The following F13A1 variants were observed in gnomAD, a reference collection of about 807,000 sequenced individuals.
F13A1 encodes the protein coagulation factor XIII A chain.
Under a neutral mutation model 80.1 loss-of-function variants are expected in F13A1, and 47 were observed. That is an observed-to-expected ratio of 0.59 (90% CI 0.46 to 0.75). F13A1 has a LOEUF of 0.75. Ranked by LOEUF, F13A1 falls within the 30% of genes least tolerant of loss-of-function variation. F13A1 has a pLI of 0.00. For missense variants in F13A1, 817 were observed against 930.4 expected, an observed-to-expected ratio of 0.88 and a Z score of 1.59; for synonymous variants, 349 against 344.9, an observed-to-expected ratio of 1.01 and a Z score of -0.13.
At chr6:6,257,082 A>T (rs1583097766) in intron 4 of F13A1, among the ~76,000 whole-genome samples, 1 of 152,192 alleles carries the variant, frequency 6.6e-6, no homozygotes, top group East Asian at 1.9e-4. Flanking sequence ...AATCACTTAC[A>T]CTTGCTTCCC....
intron 11 of F13A1, among the ~76,000 whole-genome samples, chr6:6,176,943 CCT>C (rs1467305428): frequency 6.6e-6 from 1 of 152,156 alleles, no homozygotes; most frequent in Non-Finnish European, 1.5e-5. Context: ...GAAGCACTGT[CCT>C]CTGTGAGCGG....
intron 7 of F13A1, among the ~76,000 whole-genome samples, chr6:6,223,955 T>C (rs1190741688): frequency 6.6e-6 from 1 of 152,186 alleles, no homozygotes; most frequent in Non-Finnish European, 1.5e-5. Context: ...CTGAAATAAA[T>C]GTATTTTTAA....
At position 6,145,427 on chromosome 6, in the gene F13A1, C is replaced by A. The variant is rs113481403; in HGVS notation, c.*192G>T. ...GGAAGGTGGAGAGATTAAAAACTAA[C>A]TTCCTTGCCGAATAGCCTGGGTTTG... On this transcript the variant is annotated 3_prime_UTR_variant, in exon 15 of 15. Coordinates refer to ENST00000264870, the MANE Select transcript of F13A1 (RefSeq NM_000129.4). 8 of 687,646 alleles carry A rather than the reference C, an allele frequency of 1.2e-5. No homozygotes were observed. In the South Asian group the frequency reaches 1.4e-4, roughly 12 times the overall value. The allele number at this position is 687,646 out of a possible 1,614,324, so 42.6% of individuals were successfully genotyped here.
chr6:6,163,947 C>T (rs895358633), intron 13 of F13A1, among the ~76,000 whole-genome samples: 2 of 152,074 alleles, frequency 1.3e-5, no homozygotes, highest in African/African-American at 4.8e-5. Context: ...TATAAGTGTT[C>T]CTTTTTCTCC....
chr6:6,313,965 G>A (rs1758643220), intron 2 of F13A1, among the ~76,000 whole-genome samples: 1 of 137,666 alleles, frequency 7.3e-6, no homozygotes, highest in African/African-American at 2.8e-5. Context: ...CATATCTCCT[G>A]TTCTCCATTT....
chr6:6,189,673 A>T (rs970093971), intron 10 of F13A1, among the ~76,000 whole-genome samples: 1 of 143,660 alleles, frequency 7.0e-6, no homozygotes. Flanking sequence ...CCTTCATTTC[A>T]ACTTTGGTGA....
At chr6:6,193,480 G>T (rs1761237402) in intron 10 of F13A1, among the ~76,000 whole-genome samples, 1 of 152,118 alleles carries the variant, frequency 6.6e-6, no homozygotes, top group Non-Finnish European at 1.5e-5. Context: ...GCACCCTTGA[G>T]AAAAGATTCC....
intron 13 of F13A1, among the ~76,000 whole-genome samples, chr6:6,167,111 A>T (rs954263883): frequency 2.0e-5 from 3 of 152,150 alleles, no homozygotes; most frequent in Admixed American, 2.0e-4. Flanking sequence ...TGCCTGACCC[A>T]CTTTATTCTG....
At chr6:6,315,463 T>A (rs1758665925) in intron 2 of F13A1, among the ~76,000 whole-genome samples, 1 of 152,088 alleles carries the variant, frequency 6.6e-6, no homozygotes, top group Non-Finnish European at 1.5e-5. Context: ...TTGAATATCA[T>A]GGTGTGTATG....
intron 11 of F13A1, among the ~76,000 whole-genome samples, chr6:6,179,106 C>T (rs2151076403): frequency 6.6e-6 from 1 of 152,160 alleles, no homozygotes; most frequent in African/African-American, 2.4e-5. Context: ...GATATTTGAG[C>T]CTGCTTAAAT....
At chr6:6,178,998 A>G (rs1760931387) in intron 11 of F13A1, among the ~76,000 whole-genome samples, 1 of 152,254 alleles carries the variant, frequency 6.6e-6, no homozygotes, top group Non-Finnish European at 1.5e-5. Flanking sequence ...GGAACACAGC[A>G]GGACGCAAGT....
At chr6:6,271,459 A>G (rs1168535438) in intron 3 of F13A1, among the ~76,000 whole-genome samples, 3 of 152,152 alleles carry the variant, frequency 2.0e-5, no homozygotes, top group Non-Finnish European at 4.4e-5. Context: ...ATGGCTCCAT[A>G]CAGGGAACCT....
intron 8 of F13A1, chr6:6,206,629 G>A: frequency 2.1e-6 from 1 of 484,134 alleles, no homozygotes; most frequent in Non-Finnish European, 4.3e-6. Context: ...GAGAGTGTAG[G>A]GCAGTGATTT....
rs765124973 is a variant in F13A1 at position 6,266,600 on chromosome 6, G to A, written c.529C>T (p.Pro177Ser). Residue 177 changes from proline to serine, a missense_variant, in exon 4 of 15, where the codon CCA becomes TCA. By Grantham distance (74) the Pro-to-Ser change is moderately conservative (BLOSUM62 -1). Transcript: ENST00000264870. ...PYGVLRTSRN[P>S]ETDTYILFNP... ...AAGAGAATGTACGTGTCTGTTTCTG[G>A]GTTTCGACTGGTTCGAAGTACGCCA... The A allele has an allele frequency of 6.2e-7, 1 of 1,614,178 alleles. No individual in the cohort carries two copies. The highest frequency in any genetic ancestry group is 1.7e-5 in the Admixed American group (1 of 60,024).
chr6:6,305,228 G>T, intron 3 of F13A1, 123 bp downstream of exon 3: 2 of 1,085,758 alleles, frequency 1.8e-6, no homozygotes, highest in Non-Finnish European at 1.4e-6. Flanking sequence ...GGGGCTGGAT[G>T]TCATTCCAGC....
intron 3 of F13A1, among the ~76,000 whole-genome samples, chr6:6,282,511 A>G (rs1438699923): frequency 1.3e-5 from 2 of 152,254 alleles, no homozygotes; most frequent in Non-Finnish European, 2.9e-5. Flanking sequence ...ATAATTTCCT[A>G]TAAAGTACTT....
intron 10 of F13A1, among the ~76,000 whole-genome samples, chr6:6,188,333 C>CT (rs1163169073): frequency 6.8e-6 from 1 of 146,888 alleles, no homozygotes; most frequent in South Asian, 2.3e-4. Flanking sequence ...AATTTTGGAT[C>CT]TTTCCTGCTT....
chr6:6,253,550 C>T (rs1276659975), intron 4 of F13A1, among the ~76,000 whole-genome samples: 2 of 152,188 alleles, frequency 1.3e-5, no homozygotes, highest in Non-Finnish European at 2.9e-5. Flanking sequence ...GAGACGGATC[C>T]TCTCCAGCTG....
intron 2 of F13A1, among the ~76,000 whole-genome samples, chr6:6,314,899 C>T (rs887666915): frequency 6.6e-6 from 1 of 152,176 alleles, no homozygotes; most frequent in African/African-American, 2.4e-5. Context: ...ACCTTCAATC[C>T]AGAGAGGTTT....
Sources: gnomAD v4.1 joint callset for allele counts (sites outside exome capture counted in the v4.1 genomes callset) on GRCh38, gnomAD v4.1.1 for gene constraint, MANE v1.5 for transcripts, NCBI Gene and HGNC (gene_info 2026-07-23, HGNC 2026-07-21) for gene names.